KLHL17: variants seen among roughly 807,000 people sequenced by gnomAD.
The protein encoded by KLHL17 is kelch like family member 17.
In KLHL17, 71 loss-of-function variants were observed where a neutral mutation model predicts 64.6. The ratio of observed to expected loss-of-function variants is 1.10; its 90% CI spans 0.91 to 1.34. The LOEUF is 1.34. Ranked by LOEUF, KLHL17 falls within the 40% of genes most tolerant of loss-of-function variation. KLHL17 has a pLI of 0.00. For synonymous variants in KLHL17, 612 were observed against 405.4 expected, an observed-to-expected ratio of 1.51 and a Z score of -6.12; for missense variants, 1,140 against 935.0, an observed-to-expected ratio of 1.22 and a Z score of -2.86.
intron 1 of KLHL17, 24 bp from the exon 2 acceptor site, chr1:961,269 G>A: frequency 9.0e-6 from 13 of 1,452,308 alleles, no homozygotes; most frequent in Non-Finnish European, 1.1e-5. Flanking sequence ...GCGGGGCGAA[G>A]CCTGACCCGC....
Position 961,817 on chromosome 1 carries a change from G to A in KLHL17, c.490-9G>A, listed in dbSNP as rs767554091. The A allele has an allele frequency of 8.1e-6, 13 of 1,610,012 alleles. No homozygotes were observed. The highest frequency in any genetic ancestry group is 1.0e-5 in the Non-Finnish European group (12 of 1,179,660). On this transcript the variant is annotated splice_polypyrimidine_tract_variant and intron_variant, in intron 3 of 11. Coordinates refer to ENST00000338591, the MANE Select transcript of KLHL17 (RefSeq NM_198317.3). ...GTGCCTCCCTCACCTGCCTCTCGGTGCCCCGTAGACTCTGCTCCCAGCCGC... is the reference window on the plus strand; with the variant it reads ...GTGCCTCCCTCACCTGCCTCTCGGTACCCCGTAGACTCTGCTCCCAGCCGC...
Position 961,453 on chromosome 1 carries a change from C to T in KLHL17, c.268C>T (p.Leu90Phe), listed in dbSNP as rs1642642139. Residue 90 changes from leucine (L) to phenylalanine (F), a missense_variant, in exon 2 of 12, where the codon CTC (leucine) becomes TTC (phenylalanine). Transcript: ENST00000338591. Reference sequence around the variant, plus strand: ...CATGAGCCGCATGCGCCAGCGCGGCCTCCTGTGCGACATCGTCCTGCACGT... The same window carrying T: ...CATGAGCCGCATGCGCCAGCGCGGCTTCCTGTGCGACATCGTCCTGCACGT... The part of the protein sequence containing the change: ...VAMSRMRQRG[L>F]LCDIVLHVAA... 2 of 1,612,432 alleles carry T rather than the reference C, an allele frequency of 1.2e-6. No individual in the cohort carries two copies. Among genetic ancestry groups the T allele is most frequent in the Non-Finnish European group, 1.7e-6 (2 of 1,179,878 alleles).
In KLHL17 at chr1:961,337, C is replaced by T. The variant is rs771436592; in HGVS notation, c.152C>T (p.Ala51Val). The T allele has an allele frequency of 1.2e-5, 18 of 1,558,458 alleles. No individual in the cohort carries two copies. The Admixed American group carries it at 3.3e-4, about 28-fold the overall frequency. The change falls in exon 2 of 12, where the codon GCC becomes GTC. Residue 51 changes from alanine (A) to valine (V), a missense_variant. Physicochemically the swap from Ala to Val is moderately conservative, Grantham distance 64. Coordinates refer to ENST00000338591, the MANE Select transcript of KLHL17 (RefSeq NM_198317.3). ...RTRPRQARPA[A>V]PMEGAVQLLS... ...CGGCCCCGGCAGGCTCGGCCCGCAG[C>T]CCCCATGGAGGGAGCCGTGCAGCTG... is the stretch of plus-strand genomic sequence containing the variant.
chr1:964,911 C>A, intron 11 of KLHL17, 52 bp from the exon 12 acceptor site: 1 of 1,357,432 alleles, frequency 7.4e-7, no homozygotes. Context: ...GGTGCAGCCC[C>A]TCCCCCCGCA....
rs765142660 is a variant in KLHL17, at chr1:963,985, G to A, written c.1421G>A (p.Arg474His). The change falls in exon 9 of 12, where the codon CGC becomes CAC. Residue 474 changes from arginine to histidine, a missense_variant. Physicochemically the swap from Arg to His is conservative, Grantham distance 29. Coordinates refer to ENST00000338591, the MANE Select transcript of KLHL17 (RefSeq NM_198317.3). The part of the protein sequence containing the change: ...TSVAAMSTRR[R>H]YVRVATLDGN... ...GTCGCTGCCATGAGCACCCGGAGGC[G>A]CTATGTGCGAGTGGCCACGCTTGGT... 107 of 1,612,462 alleles carry A rather than the reference G, an allele frequency of 6.6e-5. No homozygotes were observed. The highest frequency in any genetic ancestry group is 8.8e-5 in the Non-Finnish European group (104 of 1,179,932).
intron 6 of KLHL17, 40 bp downstream of exon 6, chr1:962,957 C>G (rs754243239): frequency 3.9e-6 from 6 of 1,522,218 alleles, no homozygotes; most frequent in Non-Finnish European, 5.3e-6. Flanking sequence ...CCTGTGCCTT[C>G]TACTCCCCAC....
In KLHL17 at chr1:961,703, C is replaced by T; in HGVS notation, c.442C>T (p.Gln148Ter). 3 of 1,612,340 alleles carry T rather than the reference C, an allele frequency of 1.9e-6. No individual in the cohort carries two copies. Among genetic ancestry groups the T allele is most frequent in the Non-Finnish European group, 2.5e-6 (3 of 1,179,540 alleles). Residue 148 changes from glutamine to a stop codon, truncating the protein, a stop_gained, in exon 3 of 12, where the codon CAG becomes TAG. Transcript: ENST00000338591. LOFTEE classifies it high-confidence loss of function. Reference protein sequence around the residue: ...IDPQALDQLVQFAYTAEIVVG... With the variant: ...IDPQALDQLV ...CCCTCAGGCCTTGGACCAGCTGGTG[C>T]AGTTTGCCTACACGGCTGAGATTGT...
Position 963,593 on chromosome 1 carries a change from G to A in KLHL17, c.1355+89G>A, listed in dbSNP as rs1469247745. On this transcript the variant is annotated intron_variant, in intron 8 of 11. Transcript: ENST00000338591. ...CCATCACAGGGGTCGTATCTGATGG[G>A]GTGTTAAAGGAGGTGATCCGCGAGG... 2.1e-6 allele frequency: 3 copies of A among 1,409,524 alleles called. No individual in the cohort carries two copies. The African/African-American group carries it at 4.3e-5, about 20-fold the overall frequency. The allele number at this position is 1,409,524 out of a possible 1,614,324, so 87.3% of individuals were successfully genotyped here. A position where few individuals can be genotyped will look rare whatever the true frequency, so the allele number is the denominator to read the frequency against.
rs1642896696 is a variant in KLHL17 at position 965,261 on chromosome 1, C to T, written c.*70C>T. On this transcript the variant is annotated 3_prime_UTR_variant, in exon 12 of 12. Coordinates refer to ENST00000338591, the MANE Select transcript of KLHL17 (RefSeq NM_198317.3). The stretch of plus-strand genomic sequence containing the variant: ...GGACCGTGGCCCCCACCAGGGACGT[C>T]CTGCGCCATCCGTTCACGTCTCTGC... 2.6e-5 allele frequency: 32 copies of T among 1,253,086 alleles called. No individual in the cohort carries two copies. Among genetic ancestry groups the T allele is most frequent in the Admixed American group, 4.1e-5 (2 of 49,154 alleles). The allele number at this position is 1,253,086 out of a possible 1,614,324, so 77.6% of individuals were successfully genotyped here.
rs766153864 is a variant in KLHL17, at chr1:963,359, G to A, written c.1210G>A (p.Ala404Thr). ...TAGCTATGATGGGACCTCAGACCTG[G>A]CTACCGTGGAGTCCTACGACCCCGT... ...VGGYDGTSDL[A>T]TVESYDPVTN... The change falls in exon 8 of 12, where the codon GCT becomes ACT. Residue 404 changes from alanine (A) to threonine (T), a missense_variant. By Grantham distance (58) the Ala-to-Thr change is moderately conservative. Coordinates refer to ENST00000338591, the MANE Select transcript of KLHL17 (RefSeq NM_198317.3). The A allele has an allele frequency of 3.7e-6, 6 of 1,611,120 alleles. No individual in the cohort carries two copies. In the African/African-American group the frequency reaches 5.3e-5, roughly 14 times the overall value.
rs769317772 is a variant in KLHL17, at chr1:964,009, G to A, written c.1444+1G>A. 1.2e-6 allele frequency: 2 copies of A among 1,612,528 alleles called. No homozygotes were observed. The highest frequency in any genetic ancestry group is 1.1e-5 in the South Asian group (1 of 91,084). On this transcript the variant is annotated splice_donor_variant, in intron 9 of 11. Coordinates refer to ENST00000338591, the MANE Select transcript of KLHL17 (RefSeq NM_198317.3). LOFTEE classifies it high-confidence loss of function. ...CGCTATGTGCGAGTGGCCACGCTTG[G>A]TGGGTGATGGGGCCTGCCTGGGGGG...
chr1:962,988 T>C, intron 6 of KLHL17, 71 bp downstream of exon 6: 6 of 1,516,976 alleles, frequency 4.0e-6, no homozygotes, highest in Non-Finnish European at 5.3e-6. Context: ...CCACCCCACC[T>C]GTGCCGGTCA....
chr1:964,184 C>T lies in KLHL17; in HGVS notation c.1518+4C>T. 6.2e-7 allele frequency: 1 copy of T among 1,612,582 alleles called. No homozygotes were observed. The highest frequency in any genetic ancestry group is 8.5e-7 in the Non-Finnish European group (1 of 1,179,836). On this transcript the variant is annotated splice_donor_region_variant and intron_variant, in intron 10 of 11. Transcript: ENST00000338591. ...TGTGGAGAAGTATGAGCCCCAGGTG[C>T]ATAGTGCACCCCTCCTGGCCACCCC...
chr1:963,554 G>C (rs190933350), intron 8 of KLHL17, 50 bp downstream of exon 8: 1 of 1,543,720 alleles, frequency 6.5e-7, no homozygotes, highest in South Asian at 1.2e-5. Context: ...TCTGCAAGAG[G>C]CAAGTTTGTG....
rs1309225626 is a variant in KLHL17, at chr1:960,739, G to C, written c.46G>C (p.Glu16Gln). The C allele has an allele frequency of 2.4e-6, 3 of 1,273,850 alleles. No individual in the cohort carries two copies. The highest frequency in any genetic ancestry group is 3.0e-6 in the Non-Finnish European group (3 of 1,003,298). The allele number at this position is 1,273,850 out of a possible 1,614,324, so 78.9% of individuals were successfully genotyped here. A position where few individuals can be genotyped will look rare whatever the true frequency, so the allele number is the denominator to read the frequency against. Residue 16 changes from glutamate (E) to glutamine (Q), a missense_variant, in exon 1 of 12, where the codon GAG becomes CAG. By Grantham distance (29) the Glu-to-Gln change is conservative. Coordinates refer to ENST00000338591, the MANE Select transcript of KLHL17 (RefSeq NM_198317.3). ...CCCGGCCGGCAGGACGCAGAGCCCG[G>C]AGCACGGCAGCCCGGGGCCCGGGCC... ...ERPAGRTQSP[E>Q]HGSPGPGPEA...
chr1:962,077 C>A (rs761382592), intron 4 of KLHL17, 30 bp downstream of exon 4: 3 of 1,510,946 alleles, frequency 2.0e-6, no homozygotes, highest in Admixed American at 1.9e-5. Context: ...GCCCTCGCCC[C>A]CCACCCCACC....
Position 964,151 on chromosome 1 carries a change from C to A in KLHL17, c.1489C>A (p.Leu497Met). Residue 497 changes from leucine to methionine, a missense_variant, in exon 10 of 12, where the codon CTG (leucine) becomes ATG (methionine). By Grantham distance (15) the Leu-to-Met change is conservative. Transcript: ENST00000338591. Reference sequence around the variant, plus strand: ...GGGCGGCTACGACAGCTCCTCACACCTGGCCACTGTGGAGAAGTATGAGCC... The same window carrying A: ...GGGCGGCTACGACAGCTCCTCACACATGGCCACTGTGGAGAAGTATGAGCC... Reference protein sequence around the residue: ...AVGGYDSSSHLATVEKYEPQV... With the variant: ...AVGGYDSSSHMATVEKYEPQV... 6.2e-7 allele frequency: 1 copy of A among 1,612,728 alleles called. No individual in the cohort carries two copies. The highest frequency in any genetic ancestry group is 8.5e-7 in the Non-Finnish European group (1 of 1,179,934).
At position 964,692 on chromosome 1, in the gene KLHL17, GC is replaced by G. The variant is rs1418474708; in HGVS notation, c.1700+164del. ...CGCGGGTCCGCAGTGGGGATGTGCT[GC>G]CGGGAGGGGGGCGCGGGTCCGCAGT... On this transcript the variant is annotated intron_variant, in intron 11 of 11. Coordinates refer to ENST00000338591, the MANE Select transcript of KLHL17 (RefSeq NM_198317.3). Among the ~76,000 whole-genome samples, 18 of 5,224 alleles carry G rather than the reference GC, an allele frequency of 3.4e-3. 2 individuals are homozygous for G. In the African/African-American group the frequency reaches 0.056, roughly 16 times the overall value. 3.4% of individuals were successfully genotyped at this position (5,224 alleles called of 152,430 possible).
rs1445405018 is a variant in KLHL17 at position 960,658 on chromosome 1, G to A, written c.-36G>A. On this transcript the variant is annotated 5_prime_UTR_variant, in exon 1 of 12. Coordinates refer to ENST00000338591, the MANE Select transcript of KLHL17 (RefSeq NM_198317.3). ...AGTCTCCGCGTCCGTTAAGCCCGCGGGTCCTCCGCGAATCGGCGGTGGGTC... is the reference window on the plus strand; with the variant it reads ...AGTCTCCGCGTCCGTTAAGCCCGCGAGTCCTCCGCGAATCGGCGGTGGGTC... The A allele has an allele frequency of 1.7e-5, 23 of 1,350,678 alleles. No homozygotes were observed. Among genetic ancestry groups the A allele is most frequent in the Non-Finnish European group, 2.0e-5 (21 of 1,046,162 alleles). The allele number at this position is 1,350,678 out of a possible 1,614,324, so 83.7% of individuals were successfully genotyped here.
Sources: allele counts gnomAD v4.1 joint callset (sites outside exome capture counted in the v4.1 genomes callset), GRCh38; gene constraint gnomAD v4.1.1; transcripts MANE v1.5; gene names NCBI Gene and HGNC (gene_info 2026-07-23, HGNC 2026-07-21).